Variants in DDAH1 observed in about 807,000 individuals in gnomAD.
The protein encoded by DDAH1 is N(G),N(G)-dimethylarginine dimethylaminohydrolase 1.
Under a neutral mutation model 28.8 loss-of-function variants are expected in DDAH1, and 19 were observed. That is an observed-to-expected ratio of 0.66 (90% CI 0.46 to 0.97). DDAH1 has a LOEUF of 0.97. DDAH1 is among the 50% of genes least tolerant of loss of function. DDAH1 has a pLI of 0.00. For synonymous variants in DDAH1, 153 were observed against 154.4 expected (o/e 0.99, Z 0.07); for missense variants, 326 against 375.9 (o/e 0.87, Z 1.10).
intron 1 of DDAH1, among the ~76,000 whole-genome samples, chr1:85,402,680 G>T (rs577378378): frequency 6.6e-6 from 1 of 152,226 alleles, no homozygotes; most frequent in Non-Finnish European, 1.5e-5. Context: ...GGAGGCCGAG[G>T]CGGTGGATCA....
Position 85,392,942 on chromosome 1 carries a change from G to T in DDAH1, c.304-34095C>A, listed in dbSNP as rs534452865. 5.3e-5 allele frequency among the ~76,000 whole-genome samples: 8 copies of T among 152,180 alleles called. No individual in the cohort carries two copies. The South Asian group carries it at 1.7e-3, about 32-fold the overall frequency. ...ACCCTTCACAGATCCTGACTTCATG[G>T]GGACTGATGTAAGAATAAAAGTCCT... is the stretch of plus-strand genomic sequence containing the variant. On this transcript the variant is annotated intron_variant, in intron 1 of 5. Coordinates refer to ENST00000284031, the MANE Select transcript of DDAH1 (RefSeq NM_012137.4).
intron 1 of DDAH1, among the ~76,000 whole-genome samples, chr1:85,382,353 C>T (rs1050611463): frequency 5.9e-5 from 9 of 152,088 alleles, no homozygotes; most frequent in Admixed American, 2.0e-4. Context: ...TTAAATTCTA[C>T]GAGATCTGAG....
intron 1 of DDAH1, among the ~76,000 whole-genome samples, chr1:85,456,017 T>A (rs1570567516): frequency 6.6e-6 from 1 of 151,562 alleles, no homozygotes. Context: ...TATCATCAGC[T>A]CCCCATCCAC....
intron 1 of DDAH1, among the ~76,000 whole-genome samples, chr1:85,517,801 G>T (rs55926643): frequency 6.6e-6 from 1 of 152,038 alleles, no homozygotes; most frequent in Non-Finnish European, 1.5e-5. Context: ...TCGGAGAAAC[G>T]AGCTTGTGCC....
intron 1 of DDAH1, among the ~76,000 whole-genome samples, chr1:85,459,895 C>T (rs1655054971): frequency 6.6e-6 from 1 of 152,152 alleles, no homozygotes; most frequent in Non-Finnish European, 1.5e-5. Flanking sequence ...TTGCATATCA[C>T]TAATGTGTAA....
At chr1:85,440,646 G>T (rs968841633) in intron 1 of DDAH1, among the ~76,000 whole-genome samples, 2 of 152,144 alleles carry the variant, frequency 1.3e-5, no homozygotes, top group Admixed American at 1.3e-4. Context: ...CAGGGGCTTT[G>T]GTTTTTAATG....
intron 1 of DDAH1, among the ~76,000 whole-genome samples, chr1:85,382,712 T>C (rs1651054708): frequency 6.6e-6 from 1 of 152,236 alleles, no homozygotes; most frequent in Admixed American, 6.5e-5. Context: ...AGGCTGACTC[T>C]CTTGTTAGAG....
intron 2 of DDAH1, among the ~76,000 whole-genome samples, chr1:85,488,579 C>T (rs1279899460): frequency 6.6e-6 from 1 of 152,122 alleles, no homozygotes; most frequent in Non-Finnish European, 1.5e-5. Context: ...GAGACATGAA[C>T]ATTCATTTCT....
intron 1 of DDAH1, among the ~76,000 whole-genome samples, chr1:85,361,613 T>C (rs1019374944): frequency 6.6e-6 from 1 of 152,262 alleles, no homozygotes; most frequent in Non-Finnish European, 1.5e-5. Flanking sequence ...TTTCATTCTT[T>C]ACTCAAAAGA....
At chr1:85,488,630 TA>T (rs1177261266) in intron 2 of DDAH1, among the ~76,000 whole-genome samples, 4 of 152,204 alleles carry the variant, frequency 2.6e-5, no homozygotes, top group African/African-American at 9.7e-5. Flanking sequence ...AGAGCTTCCC[TA>T]TTCTTTTTTA....
chr1:85,446,534 A>G (rs1488780820), intron 1 of DDAH1, among the ~76,000 whole-genome samples: 1 of 152,088 alleles, frequency 6.6e-6, no homozygotes, highest in Non-Finnish European at 1.5e-5. Flanking sequence ...GAAAATGGAA[A>G]ACCCACCTGG....
Position 85,500,053 on chromosome 1 carries a change from C to CT in DDAH1, c.-122-3773dup, listed in dbSNP as rs372757131. On this transcript the variant is annotated intron_variant, in intron 1 of 6. Coordinates refer to the DDAH1 transcript ENST00000426972. ...CTTCTTCCCCTTCCCCTTTCTTTCT[C>CT]TCTCTTTTCTTTTCTTTTCTTTCCT... is the stretch of plus-strand genomic sequence containing the variant. Among the ~76,000 whole-genome samples the CT allele has an allele frequency of 2.1e-3, 144 of 69,930 alleles. 3 individuals are homozygous for CT. In the South Asian group the frequency reaches 0.07, roughly 34 times the overall value. The allele number at this position is 69,930 out of a possible 152,430, so 45.9% of individuals were successfully genotyped here.
At chr1:85,555,445 A>G (rs1466154972) in intron 1 of DDAH1, among the ~76,000 whole-genome samples, 1 of 152,230 alleles carries the variant, frequency 6.6e-6, no homozygotes, top group Non-Finnish European at 1.5e-5. Context: ...TATTGTGTGC[A>G]TACATGAACA....
intron 1 of DDAH1, among the ~76,000 whole-genome samples, chr1:85,537,975 C>G (rs1376346730): frequency 6.6e-6 from 1 of 152,148 alleles, no homozygotes; most frequent in Non-Finnish European, 1.5e-5. Context: ...AAAACCCACA[C>G]ATTAACAGTC....
intron 2 of DDAH1, among the ~76,000 whole-genome samples, chr1:85,479,059 G>A (rs1655899384): frequency 6.7e-6 from 1 of 150,140 alleles, no homozygotes; most frequent in African/African-American, 2.4e-5. Context: ...TTTGCGTTTT[G>A]CTTTTAAAAG....
At chr1:85,385,841 T>C (rs1454353839) in intron 1 of DDAH1, among the ~76,000 whole-genome samples, 1 of 152,110 alleles carries the variant, frequency 6.6e-6, no homozygotes, top group Non-Finnish European at 1.5e-5. Context: ...AGCATATCCA[T>C]CTGGGAAGGG....
At chr1:85,533,394 C>A (rs1289653508) in intron 1 of DDAH1, among the ~76,000 whole-genome samples, 1 of 152,072 alleles carries the variant, frequency 6.6e-6, no homozygotes, top group African/African-American at 2.4e-5. Flanking sequence ...TGGCCTCAAA[C>A]TATCCTCCCA....
intron 1 of DDAH1, among the ~76,000 whole-genome samples, chr1:85,369,995 G>C (rs1650293255): frequency 6.6e-6 from 1 of 152,210 alleles, no homozygotes; most frequent in South Asian, 2.1e-4. Context: ...AAGACAGCTA[G>C]CACAGTGCTA....
At chr1:85,490,090 A>C (rs1055507068) in intron 2 of DDAH1, among the ~76,000 whole-genome samples, 2 of 152,190 alleles carry the variant, frequency 1.3e-5, no homozygotes, top group Non-Finnish European at 2.9e-5. Flanking sequence ...CAAATAGAAG[A>C]TGAAGGAATG....
Sources: gnomAD v4.1 joint callset for allele counts (sites outside exome capture counted in the v4.1 genomes callset) on GRCh38, gnomAD v4.1.1 for gene constraint, MANE v1.5 for transcripts, NCBI Gene and HGNC (gene_info 2026-07-23, HGNC 2026-07-21) for gene names.